The following NFATC3 variants were observed in gnomAD, a reference collection of about 807,000 sequenced individuals.
NFATC3 encodes the protein nuclear factor of activated T cells 3.
In NFATC3, 46 loss-of-function variants were observed where a neutral mutation model predicts 98.6. The observed-to-expected ratio is 0.47, with a 90% CI of 0.37 to 0.60. NFATC3 has a LOEUF of 0.60. Among genes scored for constraint, NFATC3 ranks in the 20% least tolerant of loss-of-function variants. The pLI, the probability that NFATC3 is intolerant of heterozygous loss-of-function variation, is 0.00. For missense variants in NFATC3, 1,256 were observed against 1,295.5 expected (o/e 0.97, Z 0.47); for synonymous variants, 512 against 472.2 (o/e 1.08, Z -1.09).
At position 68,126,469 on chromosome 16, in the gene NFATC3, A is replaced by T. The variant is rs927310724; in HGVS notation, c.1260A>T (p.Leu420=). The change falls in exon 3 of 10, where the codon CTA becomes CTT. Residue 420 remains leucine (L), a synonymous_variant. Coordinates refer to ENST00000346183, the MANE Select transcript of NFATC3 (RefSeq NM_173165.3). ...GTAGCACATCTTCATTACCTCCACT[A>T]GACTGGCCTTTACCAGCTCATTTTG... The part of the protein sequence containing the change: ...PIFRTSSLPP[L]DWPLPAHFGQ... 1 of 1,613,862 alleles carries T rather than the reference A, an allele frequency of 6.2e-7. No homozygotes were observed. Among genetic ancestry groups the T allele is most frequent in the Non-Finnish European group, 8.5e-7 (1 of 1,179,888 alleles).
At chr16:68,208,273 G>A (rs2041231767) in intron 9 of NFATC3, among the ~76,000 whole-genome samples, 1 of 152,050 alleles carries the variant, frequency 6.6e-6, no homozygotes, top group South Asian at 2.1e-4. Context: ...CTGACCTCAG[G>A]TGAGCCACCC....
chr16:68,140,009 T>G (rs2037663038), intron 3 of NFATC3, among the ~76,000 whole-genome samples: 1 of 152,178 alleles, frequency 6.6e-6, no homozygotes, highest in South Asian at 2.1e-4. Flanking sequence ...ATTATTATTA[T>G]TTTTTGAGAC....
rs772356789 is a variant in NFATC3 at position 68,191,101 on chromosome 16, A to G, written c.2432A>G (p.Tyr811Cys). 2 of 1,614,244 alleles carry G rather than the reference A, an allele frequency of 1.2e-6. No individual in the cohort carries two copies. Among genetic ancestry groups the G allele is most frequent in the Non-Finnish European group, 1.7e-6 (2 of 1,180,046 alleles). Residue 811 changes from tyrosine (Y) to cysteine (C), a missense_variant, in exon 9 of 10, where the codon TAC (tyrosine) becomes TGC (cysteine). Tyr to Cys is a radical substitution (Grantham distance 194). Coordinates refer to ENST00000346183, the MANE Select transcript of NFATC3 (RefSeq NM_173165.3). The part of the protein sequence containing the change: ...SYQPMQTNVV[Y>C]NGPTCLPINA... The stretch of plus-strand genomic sequence containing the variant: ...CAGCCTATGCAAACTAATGTTGTGT[A>G]CAATGGACCAACTTGTCTTCCTATT...
At position 68,181,526 on chromosome 16, in the gene NFATC3, A is replaced by G; in HGVS notation, c.1967A>G (p.Gln656Arg). 1 of 1,604,122 alleles carries G rather than the reference A, an allele frequency of 6.2e-7. No individual in the cohort carries two copies. Among genetic ancestry groups the G allele is most frequent in the Non-Finnish European group, 8.5e-7 (1 of 1,171,240 alleles). The part of the protein sequence containing the change: ...VEGKIIREKC[Q>R]GAHIVLEVPP... ...GGGAAGATAATCAGGGAAAAATGTC[A>G]AGGGGTAAGAAATTTACCTTAATTC... The change falls in exon 7 of 10, where the codon CAA becomes CGA. Residue 656 changes from glutamine (Q) to arginine (R), a missense_variant. Transcript: ENST00000346183.
intron 3 of NFATC3, among the ~76,000 whole-genome samples, chr16:68,152,059 C>T (rs1303382654): frequency 5.2e-5 from 7 of 135,320 alleles, no homozygotes; most frequent in African/African-American, 8.8e-5. Context: ...AGTGAGGCTC[C>T]GTTTCAAAAA....
chr16:68,086,634 A>G lies in NFATC3; in HGVS notation c.103+850A>G. 3 of 985,352 alleles carry G rather than the reference A, an allele frequency of 3.0e-6. No individual in the cohort carries two copies. In the South Asian group the frequency reaches 1.4e-4, roughly 46 times the overall value. 61.0% of individuals were successfully genotyped at this position (985,352 alleles called of 1,614,324 possible). A position where few individuals can be genotyped will look rare whatever the true frequency, so the allele number is the denominator to read the frequency against. On this transcript the variant is annotated intron_variant, in intron 1 of 9. Coordinates refer to ENST00000346183, the MANE Select transcript of NFATC3 (RefSeq NM_173165.3). Reference sequence around the variant, plus strand: ...ATTAAGTTCAGTTTCCCTGTTACATATGCATACGAACTTCAAAAAGGAAAT... The same window carrying G: ...ATTAAGTTCAGTTTCCCTGTTACATGTGCATACGAACTTCAAAAAGGAAAT...
At position 68,226,804 on chromosome 16, in the gene NFATC3, T is replaced by C. The variant is rs1451392225; in HGVS notation, c.*333T>C. The C allele has an allele frequency of 1.1e-5, 2 of 175,302 alleles. No individual in the cohort carries two copies. Among genetic ancestry groups the C allele is most frequent in the East Asian group, 2.9e-4 (2 of 6,890 alleles). The allele number at this position is 175,302 out of a possible 1,614,324, so 10.9% of individuals were successfully genotyped here. A position where few individuals can be genotyped will look rare whatever the true frequency, so the allele number is the denominator to read the frequency against. ...GGTGACCTGGTTACTTAGCTAGGAT[T>C]GGTGATTTGTACTGCTTTATGGTCA... On this transcript the variant is annotated 3_prime_UTR_variant, in exon 10 of 10. Coordinates refer to ENST00000346183, the MANE Select transcript of NFATC3 (RefSeq NM_173165.3).
chr16:68,106,572 G>A (rs1352969100), intron 1 of NFATC3, among the ~76,000 whole-genome samples: 3 of 151,776 alleles, frequency 2.0e-5, no homozygotes, highest in African/African-American at 7.3e-5. Context: ...TTACAGGCAT[G>A]AGCCACCACA....
rs546641561 is a variant in NFATC3 at position 68,117,569 on chromosome 16, G to A, written c.104-4418G>A. Among the ~76,000 whole-genome samples, 13 of 152,218 alleles carry A rather than the reference G, an allele frequency of 8.5e-5. No individual in the cohort carries two copies. The East Asian group carries it at 1.9e-3, about 23-fold the overall frequency. On this transcript the variant is annotated intron_variant, in intron 1 of 9. Coordinates refer to ENST00000346183, the MANE Select transcript of NFATC3 (RefSeq NM_173165.3). The stretch of plus-strand genomic sequence containing the variant: ...GTCACCGAGGATGGAGTGCAATGGC[G>A]CTATCTTGGCTTACAGCAACCTCCG...
At position 68,183,339 on chromosome 16, in the gene NFATC3, C is replaced by T. The variant is rs1354593428; in HGVS notation, c.2071C>T (p.Gln691Ter). 6.2e-7 allele frequency: 1 copy of T among 1,613,452 alleles called. No homozygotes were observed. The highest frequency in any genetic ancestry group is 1.3e-5 in the African/African-American group (1 of 74,930). The change falls in exon 8 of 10, where the codon CAG (glutamine) becomes TAG (stop). Residue 691 changes from glutamine to a stop codon, truncating the protein, a stop_gained. Transcript: ENST00000346183. LOFTEE classifies it high-confidence loss of function. ...TTGCAATGGCAAGAGGAAAAAAAGC[C>T]AGTCTCAACGTTTTACTTATACACC... ...YLCNGKRKKS[Q>*]SQRFTYTPVL...
At chr16:68,180,158 C>CT (rs2039892425) in intron 6 of NFATC3, among the ~76,000 whole-genome samples, 2 of 152,120 alleles carry the variant, frequency 1.3e-5, no homozygotes, top group Admixed American at 1.3e-4. Flanking sequence ...ACCATGAAGT[C>CT]TAAAATATTA....
intron 3 of NFATC3, among the ~76,000 whole-genome samples, chr16:68,128,654 A>G (rs929281755): frequency 5.9e-5 from 9 of 152,206 alleles, no homozygotes; most frequent in African/African-American, 2.2e-4. Context: ...TAAAAAAACA[A>G]AAACAAAAAC....
intron 5 of NFATC3, among the ~76,000 whole-genome samples, chr16:68,173,116 G>A (rs2039540371): frequency 6.6e-6 from 1 of 151,820 alleles, no homozygotes; most frequent in Non-Finnish European, 1.5e-5. Flanking sequence ...TTAAAAATCA[G>A]CCAGGCACGG....
chr16:68,137,333 A>G (rs2037477033), intron 3 of NFATC3, among the ~76,000 whole-genome samples: 1 of 152,126 alleles, frequency 6.6e-6, no homozygotes. Flanking sequence ...ACATTAGCCC[A>G]GGCCTTCACA....
At chr16:68,196,542 A>C (rs2040679507) in intron 9 of NFATC3, among the ~76,000 whole-genome samples, 1 of 152,314 alleles carries the variant, frequency 6.6e-6, no homozygotes, top group East Asian at 1.9e-4. Flanking sequence ...TGTAAATTCA[A>C]ATTAGCTGGG....
intron 1 of NFATC3, among the ~76,000 whole-genome samples, chr16:68,100,540 C>CTCCA (rs1307874184): frequency 4.6e-5 from 7 of 151,928 alleles, no homozygotes; most frequent in African/African-American, 1.2e-4. Flanking sequence ...TGCCGCTGTA[C>CTCCA]TCCAGCCTGA....
chr16:68,112,783 C>T (rs1170259498), intron 1 of NFATC3, among the ~76,000 whole-genome samples: 5 of 150,108 alleles, frequency 3.3e-5, no homozygotes, highest in South Asian at 2.1e-4. Flanking sequence ...CTCAGCCTCC[C>T]GACATTTTTT....
chr16:68,090,029 CT>C (rs1779524315), intron 1 of NFATC3, among the ~76,000 whole-genome samples: 1 of 152,020 alleles, frequency 6.6e-6, no homozygotes, highest in Admixed American at 6.6e-5. Flanking sequence ...TAATACACAA[CT>C]TTTTCATATG....
At chr16:68,134,222 C>T (rs1392800067) in intron 3 of NFATC3, among the ~76,000 whole-genome samples, 1 of 152,126 alleles carries the variant, frequency 6.6e-6, no homozygotes, top group East Asian at 1.9e-4. Flanking sequence ...GTGATAGTGG[C>T]ACAATCACGA....
Sources: allele counts gnomAD v4.1 joint callset (sites outside exome capture counted in the v4.1 genomes callset), GRCh38; gene constraint gnomAD v4.1.1; transcripts MANE v1.5; gene names NCBI Gene and HGNC (gene_info 2026-07-23, HGNC 2026-07-21).